Variants in AKT3 observed in about 807,000 individuals in gnomAD.
The protein encoded by AKT3 is RAC-gamma serine/threonine-protein kinase.
Under a neutral mutation model 65.3 loss-of-function variants are expected in AKT3, and 15 were observed. The ratio of observed to expected loss-of-function variants is 0.23; its 90% CI spans 0.15 to 0.35. AKT3 has a LOEUF of 0.35. Among genes scored for constraint, AKT3 ranks in the 10% least tolerant of loss-of-function variants. The pLI is 1.00. For missense variants in AKT3, 243 were observed against 576.5 expected, an observed-to-expected ratio of 0.42 and a Z score of 5.92; for synonymous variants, 206 against 183.8, an observed-to-expected ratio of 1.12 and a Z score of -0.98.
chr1:243,558,479 G>A (rs757570423), intron 10 of AKT3, among the ~76,000 whole-genome samples: 2 of 151,958 alleles, frequency 1.3e-5, no homozygotes, highest in African/African-American at 4.8e-5. Flanking sequence ...CATTTTCTAA[G>A]AATGGGGTTC....
intron 5 of AKT3, among the ~76,000 whole-genome samples, chr1:243,638,979 C>CCTCT (rs1680178025): frequency 6.6e-6 from 1 of 151,976 alleles, no homozygotes; most frequent in African/African-American, 2.4e-5. Context: ...AATTGATAAG[C>CCTCT]CTCTGGCCAG....
chr1:243,818,865 T>C (rs1224121344), intron 2 of AKT3, among the ~76,000 whole-genome samples: 2 of 151,300 alleles, frequency 1.3e-5, no homozygotes, highest in Non-Finnish European at 2.9e-5. Flanking sequence ...GCGCGACCTA[T>C]GGAGAGTGAG....
Position 243,591,980 on chromosome 1 carries a change from A to T in AKT3, c.697-18932T>A, listed in dbSNP as rs1333261313. Among the ~76,000 whole-genome samples, 3 of 152,208 alleles carry T rather than the reference A, an allele frequency of 2.0e-5. No homozygotes were observed. In the East Asian group the frequency reaches 5.8e-4, roughly 29 times the overall value. On this transcript the variant is annotated intron_variant, in intron 8 of 13. Transcript: ENST00000673466. The stretch of plus-strand genomic sequence containing the variant: ...TGAGTAACAAAATACTTACAGAACA[A>T]TATTCAAAAATTTTCCAAATTGAAT...
intron 13 of AKT3, among the ~76,000 whole-genome samples, chr1:243,510,024 T>C (rs1441186934): frequency 6.6e-6 from 1 of 152,220 alleles, no homozygotes; most frequent in African/African-American, 2.4e-5. Flanking sequence ...TACTCCTGGC[T>C]TGACATTTTA....
chr1:243,544,488 C>T (rs953719235), intron 12 of AKT3, among the ~76,000 whole-genome samples: 3 of 151,906 alleles, frequency 2.0e-5, no homozygotes, highest in Admixed American at 6.6e-5. Context: ...TATGGTGGCT[C>T]ATGCCTGCAG....
chr1:243,740,866 G>C (rs931011255), intron 2 of AKT3: 2 of 152,084 alleles, frequency 1.3e-5, no homozygotes, highest in African/African-American at 4.8e-5. Context: ...ATTGTACAAA[G>C]GCCAGGTAGG....
At chr1:243,582,477 T>G (rs1675449207) in intron 8 of AKT3, among the ~76,000 whole-genome samples, 2 of 144,798 alleles carry the variant, frequency 1.4e-5, no homozygotes, top group African/African-American at 5.0e-5. Context: ...AAAAAGAAAT[T>G]CCAACCAAGA....
intron 12 of AKT3, among the ~76,000 whole-genome samples, chr1:243,519,370 T>C (rs575940647): frequency 5.9e-5 from 9 of 152,206 alleles, no homozygotes; most frequent in Admixed American, 2.6e-4. Flanking sequence ...GAAGCATTTC[T>C]TTGAAGAATT....
chr1:243,491,066 TC>T (rs1247374529), intron 13 of AKT3, among the ~76,000 whole-genome samples: 1 of 152,216 alleles, frequency 6.6e-6, no homozygotes, highest in African/African-American at 2.4e-5. Flanking sequence ...TGGGGAGTCT[TC>T]CGTGGAAGCT....
intron 2 of AKT3, among the ~76,000 whole-genome samples, chr1:243,768,269 G>A (rs1324831689): frequency 1.3e-5 from 2 of 152,046 alleles, no homozygotes; most frequent in East Asian, 1.9e-4. Context: ...AGTGACACAA[G>A]TAGGAGCTTA....
intron 12 of AKT3, among the ~76,000 whole-genome samples, chr1:243,526,779 TA>T (rs1180642142): frequency 3.9e-4 from 6 of 15,204 alleles, no homozygotes; most frequent in African/African-American, 1.4e-3. Context: ...AAAAAATGGT[TA>T]AAAAAAAAAA....
At chr1:243,752,402 G>A (rs943307330) in intron 2 of AKT3, among the ~76,000 whole-genome samples, 5 of 152,018 alleles carry the variant, frequency 3.3e-5, no homozygotes, top group African/African-American at 1.2e-4. Context: ...TTTTGTGGTC[G>A]ATGCTATAAA....
intron 10 of AKT3, among the ~76,000 whole-genome samples, chr1:243,562,782 C>T (rs1254045657): frequency 6.6e-6 from 1 of 152,112 alleles, no homozygotes; most frequent in East Asian, 1.9e-4. Flanking sequence ...TAGTCTCCAG[C>T]CATAGAATCA....
intron 4 of AKT3, among the ~76,000 whole-genome samples, chr1:243,661,721 A>C (rs1401646265): frequency 2.0e-5 from 3 of 150,066 alleles, no homozygotes; most frequent in Middle Eastern, 3.3e-3. Context: ...TAATTAAACT[A>C]AAGAGCTTCT....
chr1:243,652,646 T>A (rs189756596), intron 4 of AKT3, among the ~76,000 whole-genome samples: 12 of 151,930 alleles, frequency 7.9e-5, no homozygotes, highest in Non-Finnish European at 1.5e-5. Flanking sequence ...AGACACAGAC[T>A]GGCAAATTGG....
chr1:243,670,744 A>G (rs1683102497), intron 3 of AKT3, among the ~76,000 whole-genome samples: 1 of 152,128 alleles, frequency 6.6e-6, no homozygotes. Flanking sequence ...TGTTACTTAT[A>G]TTAGATAGTT....
intron 6 of AKT3, among the ~76,000 whole-genome samples, chr1:243,622,591 GAGTGAATGAACT>G (rs1354577000): frequency 6.6e-6 from 1 of 152,150 alleles, no homozygotes; most frequent in African/African-American, 2.4e-5. Flanking sequence ...TTGAAATAAT[GAGTGAATGAACT>G]AGTAAATAAC....
chr1:243,817,478 C>T (rs1223011363), intron 2 of AKT3, among the ~76,000 whole-genome samples: 1 of 151,734 alleles, frequency 6.6e-6, no homozygotes, highest in African/African-American at 2.4e-5. Flanking sequence ...TGGTGGCTCA[C>T]GCCTGTAATC....
intron 12 of AKT3, among the ~76,000 whole-genome samples, chr1:243,530,407 G>A (rs754546031): frequency 5.3e-5 from 8 of 152,114 alleles, no homozygotes; most frequent in Admixed American, 1.3e-4. Context: ...ATTAAACAAC[G>A]TGTTCCTGAA....
Sources: gnomAD v4.1 joint callset for allele counts (sites outside exome capture counted in the v4.1 genomes callset) on GRCh38, gnomAD v4.1.1 for gene constraint, MANE v1.5 for transcripts, NCBI Gene and HGNC (gene_info 2026-07-23, HGNC 2026-07-21) for gene names.